LIPM: variants seen among roughly 807,000 people sequenced by gnomAD.
LIPM encodes lipase family member M.
In LIPM, 42 loss-of-function variants were observed where a neutral mutation model predicts 42.4. The observed-to-expected ratio is 0.99, with a 90% CI of 0.77 to 1.28. LIPM has a LOEUF of 1.28. Among genes scored for constraint, LIPM ranks in the 50% most tolerant of loss-of-function variants. LIPM has a pLI of 0.00. For synonymous variants in LIPM, 177 were observed against 173.3 expected, an observed-to-expected ratio of 1.02 and a Z score of -0.17; for missense variants, 524 against 520.1, an observed-to-expected ratio of 1.01 and a Z score of -0.07.
In LIPM at chr10:88,815,200, G is replaced by T. The variant is rs61740492; in HGVS notation, c.687G>T (p.Leu229Phe). Residue 229 changes from leucine to phenylalanine, a missense_variant, in exon 5 of 9, where the codon TTG becomes TTT. By Grantham distance (22) the Leu-to-Phe change is conservative. Coordinates refer to ENST00000404743, the MANE Select transcript of LIPM (RefSeq NM_001128215.1). ...CAAAAAGCCCCGGGACCAAATTTTT[G>T]TTGCTGCCAGATATGATGATCAAGG... ...KHAKSPGTKF[L>F]LLPDMMIKGL... The T allele has an allele frequency of 6.4e-7, 1 of 1,551,642 alleles. No homozygotes were observed. Among genetic ancestry groups the T allele is most frequent in the Non-Finnish European group, 8.7e-7 (1 of 1,146,926 alleles).
rs945301065 is a variant in LIPM at position 88,802,819 on chromosome 10, T to G, written c.-78T>G. 7.0e-7 allele frequency: 1 copy of G among 1,422,614 alleles called. No individual in the cohort carries two copies. Among genetic ancestry groups the G allele is most frequent in the Non-Finnish European group, 9.4e-7 (1 of 1,065,670 alleles). 88.1% of individuals were successfully genotyped at this position (1,422,614 alleles called of 1,614,324 possible). On this transcript the variant is annotated 5_prime_UTR_variant, in exon 1 of 9. Coordinates refer to ENST00000404743, the MANE Select transcript of LIPM (RefSeq NM_001128215.1). ...TTGCAGCAGGAAAATATGTGAAGAG[T>G]TTTTAAACCCACAAATTCTTCTTAC...
intron 2 of LIPM, among the ~76,000 whole-genome samples, chr10:88,809,727 G>A (rs1356369606): frequency 2.0e-5 from 3 of 152,314 alleles, no homozygotes; most frequent in Admixed American, 6.5e-5. Flanking sequence ...TTGGTGTAAA[G>A]AAACGTTGGG....
Position 88,803,022 on chromosome 10 carries a change from C to G in LIPM, c.126C>G (p.Asp42Glu), listed in dbSNP as rs754528620. 1 of 1,550,790 alleles carries G rather than the reference C, an allele frequency of 6.4e-7. No homozygotes were observed. Residue 42 changes from aspartate (D) to glutamate (E), a missense_variant, in exon 1 of 9, where the codon GAC becomes GAG. Coordinates refer to ENST00000404743, the MANE Select transcript of LIPM (RefSeq NM_001128215.1). ...TACATATGCCAACTAAAGCTGTGGA[C>G]CCAGAAGCATTCATGAATATTGTAA... ...NSVHMPTKAVDPEAFMNISEI... is the reference protein window; with the variant it reads ...NSVHMPTKAVEPEAFMNISEI...
intron 2 of LIPM, among the ~76,000 whole-genome samples, chr10:88,811,836 CAGTG>C (rs1843660123): frequency 6.6e-6 from 1 of 152,190 alleles, no homozygotes; most frequent in Non-Finnish European, 1.5e-5. Context: ...CTAAGTACTT[CAGTG>C]AGTATTTTCT....
intron 3 of LIPM, among the ~76,000 whole-genome samples, chr10:88,813,833 G>C (rs1843684335): frequency 6.6e-6 from 1 of 152,110 alleles, no homozygotes; most frequent in Non-Finnish European, 1.5e-5. Flanking sequence ...TTTTCACAAG[G>C]CTGCAGCAAG....
At chr10:88,819,274 G>A (rs1298967756) in intron 8 of LIPM, among the ~76,000 whole-genome samples, 1 of 152,166 alleles carries the variant, frequency 6.6e-6, no homozygotes, top group East Asian at 1.9e-4. Flanking sequence ...GAAAATGGGA[G>A]TGGAAGGGAA....
At chr10:88,807,446 CCTT>C (rs1415011793) in intron 1 of LIPM, among the ~76,000 whole-genome samples, 3 of 152,196 alleles carry the variant, frequency 2.0e-5, no homozygotes, top group Non-Finnish European at 4.4e-5. Context: ...ATGGTTCTCT[CCTT>C]CTCTCTGAGT....
At chr10:88,818,958 G>T (rs2048833656) in intron 8 of LIPM, among the ~76,000 whole-genome samples, 1 of 152,100 alleles carries the variant, frequency 6.6e-6, no homozygotes, top group African/African-American at 2.4e-5. Context: ...CGCAGTCTCG[G>T]CTCACTGAAA....
At chr10:88,812,534 CATTT>C (rs1424708499) in intron 2 of LIPM, among the ~76,000 whole-genome samples, 1 of 151,952 alleles carries the variant, frequency 6.6e-6, no homozygotes, top group Admixed American at 6.6e-5. Context: ...TTTATTTGTT[CATTT>C]ATTTATTGGT....
intron 1 of LIPM, among the ~76,000 whole-genome samples, chr10:88,804,997 C>T (rs1181643430): frequency 6.6e-6 from 1 of 152,194 alleles, no homozygotes; most frequent in East Asian, 1.9e-4. Context: ...TGGAGCTTGT[C>T]TGTCCTGCAT....
At chr10:88,806,852 T>A (rs1266280194) in intron 1 of LIPM, among the ~76,000 whole-genome samples, 4 of 151,942 alleles carry the variant, frequency 2.6e-5, no homozygotes, top group Non-Finnish European at 5.9e-5. Context: ...GCCCGGCTAA[T>A]TTTTTTTATT....
chr10:88,813,075 T>C (rs1843673010), intron 2 of LIPM, 22 bp from the exon 3 acceptor site: 2 of 1,544,196 alleles, frequency 1.3e-6, no homozygotes, highest in African/African-American at 2.7e-5. Flanking sequence ...TTTCATACAG[T>C]TGAAATTTTC....
At chr10:88,808,844 TA>T (rs1335230797) in intron 2 of LIPM, among the ~76,000 whole-genome samples, 1 of 152,220 alleles carries the variant, frequency 6.6e-6, no homozygotes, top group African/African-American at 2.4e-5. Context: ...AAAGAGCACT[TA>T]AAATATTTAA....
chr10:88,813,339 C>T (rs976480553), intron 3 of LIPM, 44 bp downstream of exon 3: 1 of 1,399,368 alleles, frequency 7.1e-7, no homozygotes, highest in Non-Finnish European at 9.5e-7. Flanking sequence ...GTCTGTCTTT[C>T]AAAAAAAATG....
At position 88,815,135 on chromosome 10, in the gene LIPM, A is replaced by C. The variant is rs1843702544; in HGVS notation, c.622A>C (p.Met208Leu). 3 of 1,551,072 alleles carry C rather than the reference A, an allele frequency of 1.9e-6. No homozygotes were observed. Among genetic ancestry groups the C allele is most frequent in the Non-Finnish European group, 2.6e-6 (3 of 1,146,798 alleles). Residue 208 changes from methionine to leucine, a missense_variant, in exon 5 of 9, where the codon ATG becomes CTG. Coordinates refer to ENST00000404743, the MANE Select transcript of LIPM (RefSeq NM_001128215.1). ...GCCAGAGCTGGCTCAGAAAATCAAA[A>C]TGTATTTTGCTTTAGCACCCATAGC... ...TMPELAQKIK[M>L]YFALAPIATV...
At chr10:88,817,020 C>T (rs963227604) in intron 7 of LIPM, 133 bp downstream of exon 7, 3 of 699,118 alleles carry the variant, frequency 4.3e-6, no homozygotes, top group Admixed American at 4.5e-5. Flanking sequence ...ATCGTCGATG[C>T]TATTTTGATG....
At chr10:88,810,091 A>G (rs1308432016) in intron 2 of LIPM, among the ~76,000 whole-genome samples, 2 of 152,232 alleles carry the variant, frequency 1.3e-5, no homozygotes, top group Non-Finnish European at 2.9e-5. Context: ...CCCCCCAGTC[A>G]GAGTGTAAAC....
intron 4 of LIPM, 93 bp from the exon 5 acceptor site, chr10:88,814,995 T>C (rs2133059406): frequency 1.7e-6 from 2 of 1,162,490 alleles, no homozygotes; most frequent in South Asian, 3.3e-5. Context: ...GTCACATATA[T>C]ACTTATTGAA....
At chr10:88,809,009 C>A (rs1181102817) in intron 2 of LIPM, among the ~76,000 whole-genome samples, 3 of 150,224 alleles carry the variant, frequency 2.0e-5, no homozygotes, top group African/African-American at 7.4e-5. Context: ...GGCTGGAGTG[C>A]AGTGGTAGGA....
Sources: allele counts gnomAD v4.1 joint callset (sites outside exome capture counted in the v4.1 genomes callset), GRCh38; gene constraint gnomAD v4.1.1; transcripts MANE v1.5; gene names NCBI Gene and HGNC (gene_info 2026-07-23, HGNC 2026-07-21).